The following MOCS1 variants were observed in gnomAD, a reference collection of about 807,000 sequenced individuals.
MOCS1 encodes molybdenum cofactor biosynthesis protein 1.
MOCS1 carries 39 observed loss-of-function variants against 57.6 expected under a neutral mutation model. The observed-to-expected ratio is 0.68, with a 90% CI of 0.52 to 0.88. MOCS1 has a LOEUF of 0.88. Among genes scored for constraint, MOCS1 ranks in the 40% least tolerant of loss-of-function variants. The probability of loss-of-function intolerance (pLI) is 0.00; values close to 1 mark genes in which losing one functional copy is unlikely to be tolerated. For synonymous variants in MOCS1, 334 were observed against 335.7 expected (o/e 1.00, Z 0.05); for missense variants, 795 against 831.1 (o/e 0.96, Z 0.53).
intron 1 of MOCS1, among the ~76,000 whole-genome samples, chr6:39,929,709 G>A (rs890017038): frequency 6.6e-6 from 1 of 152,034 alleles, no homozygotes; most frequent in Non-Finnish European, 1.5e-5. Flanking sequence ...GGGAGGCCGA[G>A]GAGGGCAGAT....
At chr6:39,912,842 G>T in intron 7 of MOCS1, 50 bp downstream of exon 7, 1 of 1,399,564 alleles carries the variant, frequency 7.1e-7, no homozygotes, top group South Asian at 1.2e-5. Flanking sequence ...ATCCTAGGGT[G>T]GAGGTACGAC....
chr6:39,933,508 G>A (rs1181064004), intron 1 of MOCS1, among the ~76,000 whole-genome samples: 3 of 152,006 alleles, frequency 2.0e-5, no homozygotes, highest in East Asian at 1.9e-4. Context: ...TCTGGGAGAC[G>A]GGGAAAAAAA....
intron 3 of MOCS1, among the ~76,000 whole-genome samples, chr6:39,919,843 A>C (rs1021721803): frequency 6.6e-6 from 1 of 152,214 alleles, no homozygotes; most frequent in Non-Finnish European, 1.5e-5. Context: ...AGATGAACTA[A>C]GGACCTATAT....
Position 39,905,619 on chromosome 6 carries a change from G to A in MOCS1, c.*738C>T, listed in dbSNP as rs1173796279. On this transcript the variant is annotated 3_prime_UTR_variant, in exon 11 of 11. Transcript: ENST00000340692. ...CCTGATATGCTCCAGAATAAAGAGG[G>A]GTGGGTGGAACAGCCGTGAACAGGG... The A allele has an allele frequency of 2.1e-6, 1 of 471,072 alleles. No homozygotes were observed. Among genetic ancestry groups the A allele is most frequent in the African/African-American group, 2.0e-5 (1 of 50,072 alleles). The allele number at this position is 471,072 out of a possible 1,614,324, so 29.2% of individuals were successfully genotyped here. A position where few individuals can be genotyped will look rare whatever the true frequency, so the allele number is the denominator to read the frequency against.
At chr6:39,908,972 T>C (rs927265422) in intron 10 of MOCS1, 83 bp downstream of exon 10, 1 of 1,116,108 alleles carries the variant, frequency 9.0e-7, no homozygotes. Flanking sequence ...ATGCAGGAGC[T>C]GGGGGTGCCT....
Position 39,905,731 on chromosome 6 carries a change from G to GAAA in MOCS1, c.*623_*625dup, listed in dbSNP as rs1235086876. The GAAA allele has an allele frequency of 2.1e-6, 1 of 471,198 alleles. No homozygotes were observed. The highest frequency in any genetic ancestry group is 7.0e-5 in the East Asian group (1 of 14,388). 29.2% of individuals were successfully genotyped at this position (471,198 alleles called of 1,614,324 possible). A position where few individuals can be genotyped will look rare whatever the true frequency, so the allele number is the denominator to read the frequency against. On this transcript the variant is annotated 3_prime_UTR_variant, in exon 11 of 11. Transcript: ENST00000340692. Reference sequence around the variant, plus strand: ...CTGTTTCAGAAGAGGGGGGCCAGAGGAAAAGGGGCCAGCAGGACCGGGCAA... The same window carrying GAAA: ...CTGTTTCAGAAGAGGGGGGCCAGAGGAAAAAAAGGGGCCAGCAGGACCGGGCAA...
In MOCS1 at chr6:39,906,702, G is replaced by T; in HGVS notation, c.1566C>A (p.Val522=). 1 of 1,614,194 alleles carries T rather than the reference G, an allele frequency of 6.2e-7. No individual in the cohort carries two copies. The highest frequency in any genetic ancestry group is 1.1e-5 in the South Asian group (1 of 91,084). ...CTCCTTTCTTGAGCTGGTTCTGCTG[G>T]ACAAGCTTGAAGGCTACCGGTCCCA... ...VLLGPVAFKL[V]QQNQLKKGDA... The change falls in exon 11 of 11, where the codon GTC becomes GTA. Residue 522 remains valine (V), a synonymous_variant. Transcript: ENST00000340692.
chr6:39,913,424 T>G lies in MOCS1; in HGVS notation c.650A>C (p.Asn217Thr), dbSNP rs1416962750. ...IELGYNPVKVNCVVMRGLNED... is the reference protein window; with the variant it reads ...IELGYNPVKVTCVVMRGLNED... ...GTTAAGGCCTCGCATCACCACACAG[T>G]TCACCTGGCCGGGGAACAATGGGAC... Residue 217 changes from asparagine to threonine, a missense_variant, in exon 6 of 11, where the codon AAC (asparagine) becomes ACC (threonine). By Grantham distance (65) the Asn-to-Thr change is moderately conservative. Around this residue, in one of 3 missense-constraint regions of MOCS1, gnomAD observed 416 missense variants for 392.4 expected, o/e 1.06. Coordinates refer to ENST00000340692, the MANE Select transcript of MOCS1 (RefSeq NM_001358530.2). 1.2e-6 allele frequency: 2 copies of G among 1,614,024 alleles called. No homozygotes were observed. Among genetic ancestry groups the G allele is most frequent in the East Asian group, 2.2e-5 (1 of 44,880 alleles).
Position 39,905,690 on chromosome 6 carries a change from C to T in MOCS1, c.*667G>A, listed in dbSNP as rs1395249278. The T allele has an allele frequency of 4.2e-6, 2 of 471,036 alleles. No homozygotes were observed. Among genetic ancestry groups the T allele is most frequent in the Non-Finnish European group, 8.8e-6 (2 of 227,064 alleles). 29.2% of individuals were successfully genotyped at this position (471,036 alleles called of 1,614,324 possible). A position where few individuals can be genotyped will look rare whatever the true frequency, so the allele number is the denominator to read the frequency against. ...CTGGCAGGAGTCCTTAGGGCTATGG[C>T]CCATGTGTGCACATCCTGTTTCAGA... is the stretch of plus-strand genomic sequence containing the variant. On this transcript the variant is annotated 3_prime_UTR_variant, in exon 11 of 11. Transcript: ENST00000340692.
intron 1 of MOCS1, among the ~76,000 whole-genome samples, chr6:39,933,681 A>C (rs1162491707): frequency 1.3e-5 from 2 of 152,206 alleles, no homozygotes; most frequent in Non-Finnish European, 2.9e-5. Context: ...GATCTTACCC[A>C]AAACCCTAAA....
At chr6:39,914,092 T>C (rs1582814169) in intron 4 of MOCS1, among the ~76,000 whole-genome samples, 1 of 152,348 alleles carries the variant, frequency 6.6e-6, no homozygotes, top group Non-Finnish European at 1.5e-5. Flanking sequence ...GATCTACAAA[T>C]GGGATACAAT....
In MOCS1 at chr6:39,916,184, TTGGTGGTAACACCTA is replaced by T; in HGVS notation, c.452_466del (p.Ile151_Thr155del). 1 of 1,613,958 alleles carries T rather than the reference TTGGTGGTAACACCTA, an allele frequency of 6.2e-7. No individual in the cohort carries two copies. The highest frequency in any genetic ancestry group is 2.2e-5 in the East Asian group (1 of 44,868). ...CAGTAGCCGGGCCAGGTTGATGCCA[TTGGTGGTAACACCTA>T]TGGTTCTCAGCCCTTCCAGCCGCTG... is the stretch of plus-strand genomic sequence containing the variant. On this transcript the variant is annotated inframe_deletion, in exon 4 of 11. Transcript: ENST00000340692.
intron 1 of MOCS1, among the ~76,000 whole-genome samples, chr6:39,931,608 G>A (rs954385365): frequency 2.0e-5 from 3 of 151,704 alleles, no homozygotes; most frequent in African/African-American, 7.3e-5. Flanking sequence ...TTGAGGAGCT[G>A]GGCAGATTGG....
chr6:39,930,692 T>G (rs959534418), intron 1 of MOCS1, among the ~76,000 whole-genome samples: 2 of 152,142 alleles, frequency 1.3e-5, no homozygotes, highest in Non-Finnish European at 2.9e-5. Flanking sequence ...TAGCTCAATC[T>G]AGTGCCTCAG....
intron 3 of MOCS1, among the ~76,000 whole-genome samples, chr6:39,925,300 A>G (rs1021468588): frequency 4.6e-5 from 7 of 152,096 alleles, no homozygotes; most frequent in South Asian, 2.1e-4. Context: ...CTGAGCTCCT[A>G]GCAAAGGGAA....
chr6:39,923,540 C>T (rs1383163292), intron 3 of MOCS1, among the ~76,000 whole-genome samples: 2 of 152,272 alleles, frequency 1.3e-5, no homozygotes, highest in Non-Finnish European at 2.9e-5. Context: ...GGCCCATGCC[C>T]GCGGGTGCCA....
intron 1 of MOCS1, among the ~76,000 whole-genome samples, chr6:39,930,590 G>T (rs559149723): frequency 6.5e-4 from 99 of 152,280 alleles, no homozygotes; most frequent in African/African-American, 2.4e-3. Flanking sequence ...TGGTATAGTG[G>T]TTTGAAACCC....
At chr6:39,913,673 G>T in intron 5 of MOCS1, 101 bp downstream of exon 5, 3 of 1,337,102 alleles carry the variant, frequency 2.2e-6, no homozygotes, top group Non-Finnish European at 3.2e-6. Context: ...CAGCCATGCT[G>T]GCCAGAGCTG....
intron 6 of MOCS1, 64 bp from the exon 7 acceptor site, chr6:39,913,068 C>CT: frequency 7.6e-7 from 1 of 1,308,142 alleles, no homozygotes; most frequent in Non-Finnish European, 1.1e-6. Context: ...GCCCCGGGGT[C>CT]TTTGAGTCCA....
Sources: allele counts gnomAD v4.1 joint callset (sites outside exome capture counted in the v4.1 genomes callset), GRCh38; gene constraint gnomAD v4.1.1; regional missense constraint gnomAD v4.1.1; transcripts MANE v1.5; gene names NCBI Gene and HGNC (gene_info 2026-07-23, HGNC 2026-07-21).